The following COL4A5 variants were observed in gnomAD, a reference collection of about 807,000 sequenced individuals.
The protein encoded by COL4A5 is collagen type IV alpha 5 chain, also known as collagen alpha-5(IV) chain.
COL4A5 carries 26 observed loss-of-function variants against 130.2 expected under a neutral mutation model. The observed-to-expected ratio is 0.20, with a 90% confidence interval of 0.15 to 0.28. The LOEUF (loss-of-function observed/expected upper bound fraction) is 0.28, where lower values mean the gene tolerates loss of function less well. Among genes scored for constraint, COL4A5 ranks in the 10% least tolerant of loss-of-function variants. The pLI is 1.00. For synonymous variants in COL4A5, 496 were observed against 439.6 expected (o/e 1.13, Z -1.60); for missense variants, 1,131 against 1,344.3 (o/e 0.84, Z 2.48).
In COL4A5 at chrX:108,590,217, A is replaced by C. The variant is rs184523996; in HGVS notation, c.1166-841A>C. On this transcript the variant is annotated intron_variant, in intron 19 of 52. Transcript: ENST00000328300. ...AAAAAATCCATTGACAAATTCCCAG[A>C]ACTTAAAGAGAATATGTGTGCAAGA... Among the ~76,000 whole-genome samples, 18 of 111,443 alleles carry C rather than the reference A, an allele frequency of 1.6e-4. No homozygotes were observed. In the East Asian group the frequency reaches 5.0e-3, roughly 31 times the overall value.
chrX:108,624,969 G>T (rs73528353), intron 34 of COL4A5, among the ~76,000 whole-genome samples: 11,690 of 111,236 alleles, frequency 0.11, 1,304 homozygotes, highest in African/African-American at 0.34. Context: ...AGTTATTTGC[G>T]CTAGACTCCA....
At chrX:108,647,672 G>C (rs2067628779) in intron 36 of COL4A5, among the ~76,000 whole-genome samples, 1 of 111,623 alleles carries the variant, frequency 9.0e-6, no homozygotes, top group South Asian at 3.8e-4. Flanking sequence ...TTTTCAAAGG[G>C]AATGCTTCCA....
intron 1 of COL4A5, among the ~76,000 whole-genome samples, chrX:108,505,731 G>A (rs1293221527): frequency 8.9e-6 from 1 of 111,975 alleles, no homozygotes. Context: ...AAGAGTGAAA[G>A]AAATAATTTT....
intron 1 of COL4A5, among the ~76,000 whole-genome samples, chrX:108,495,317 A>G (rs1230624696): frequency 1.8e-5 from 2 of 111,806 alleles, no homozygotes; most frequent in African/African-American, 6.5e-5. Context: ...TCTTAGACGT[A>G]ATACCAAAAG....
intron 28 of COL4A5, 83 bp from the exon 29 acceptor site, chrX:108,606,659 C>T (rs543510464): frequency 1.5e-5 from 15 of 1,032,232 alleles, no homozygotes; most frequent in East Asian, 3.0e-5. Context: ...CTTGTATTTT[C>T]GGCATTAAAT....
At chrX:108,521,512 C>T (rs189593803) in intron 1 of COL4A5, among the ~76,000 whole-genome samples, 1 of 111,183 alleles carries the variant, frequency 9.0e-6, no homozygotes, top group Non-Finnish European at 1.9e-5. Flanking sequence ...TATATGGATT[C>T]CCTAAACACC....
Position 108,578,355 on chromosome X carries a change from T to C in COL4A5, c.752T>C (p.Ile251Thr), listed in dbSNP as rs1370346161. The C allele has an allele frequency of 4.1e-6, 5 of 1,207,118 alleles. No homozygotes were observed. Among genetic ancestry groups the C allele is most frequent in the African/African-American group, 3.5e-5 (2 of 57,154 alleles). The change falls in exon 13 of 53, where the codon ATT (isoleucine) becomes ACT (threonine). Residue 251 changes from isoleucine (I) to threonine (T), a missense_variant. Transcript: ENST00000328300. ...PGQISEQKRP[I>T]DVEFQKGDQG... ...CAGATCAGTGAACAGAAAAGACCAA[T>C]TGATGTAGAGTTTCAGAAAGGAGAT... is the stretch of plus-strand genomic sequence containing the variant.
chrX:108,556,181 C>T (rs2065820839), intron 2 of COL4A5, among the ~76,000 whole-genome samples: 1 of 111,419 alleles, frequency 9.0e-6, no homozygotes, highest in African/African-American at 3.3e-5. Flanking sequence ...AAAATTTTTC[C>T]TTGTCCTGAT....
chrX:108,533,079 A>G (rs111942058), intron 1 of COL4A5, among the ~76,000 whole-genome samples: 2 of 111,557 alleles, frequency 1.8e-5, no homozygotes, highest in Non-Finnish European at 3.8e-5. Flanking sequence ...TGAATAGCCA[A>G]TGCAACCCTG....
At chrX:108,625,092 TA>T (rs770564058) in intron 34 of COL4A5, among the ~76,000 whole-genome samples, 331 of 111,551 alleles carry the variant, frequency 3.0e-3, no homozygotes, top group African/African-American at 0.01. Flanking sequence ...AAAAATAAAA[TA>T]AAAAAAGTTT....
chrX:108,524,500 T>A (rs759483346), intron 1 of COL4A5, among the ~76,000 whole-genome samples: 77 of 111,585 alleles, frequency 6.9e-4, no homozygotes, highest in African/African-American at 2.4e-3. Flanking sequence ...TTCATTTCAT[T>A]AATTTCAGCT....
At chrX:108,619,570 G>A (rs746423917) in intron 30 of COL4A5, among the ~76,000 whole-genome samples, 1 of 111,550 alleles carries the variant, frequency 9.0e-6, no homozygotes, top group Admixed American at 9.6e-5. Flanking sequence ...TTTTTGCTGT[G>A]TCATTTTTTT....
intron 51 of COL4A5, 58 bp downstream of exon 51, chrX:108,694,979 T>G: frequency 2.2e-6 from 2 of 912,936 alleles, no homozygotes; most frequent in Middle Eastern, 2.9e-4. Context: ...TCCATCTACA[T>G]TTCTTCCCAA....
At chrX:108,478,399 G>A (rs1174178706) in intron 1 of COL4A5, among the ~76,000 whole-genome samples, 1 of 111,473 alleles carries the variant, frequency 9.0e-6, no homozygotes, top group Non-Finnish European at 1.9e-5. Context: ...TGGATCACTA[G>A]GGGTGATGGT....
At chrX:108,544,250 A>G (rs757239738) in intron 2 of COL4A5, among the ~76,000 whole-genome samples, 1 of 111,941 alleles carries the variant, frequency 8.9e-6, no homozygotes, top group South Asian at 3.7e-4. Context: ...TGGGTTTGTC[A>G]TAGATAGCTC....
Position 108,665,497 on chromosome X carries a change from T to C in COL4A5, c.3374-10T>C. On this transcript the variant is annotated splice_polypyrimidine_tract_variant and intron_variant, in intron 37 of 52. Transcript: ENST00000328300. ...TTTCTTTCATTTTTAAATTGAGCTCTTTACTCTAGGAACCCCAGGCCCTCC... is the reference window on the plus strand; with the variant it reads ...TTTCTTTCATTTTTAAATTGAGCTCCTTACTCTAGGAACCCCAGGCCCTCC... 1 of 1,188,606 alleles carries C rather than the reference T, an allele frequency of 8.4e-7. No individual in the cohort carries two copies. Among genetic ancestry groups the C allele is most frequent in the Non-Finnish European group, 1.1e-6 (1 of 875,218 alleles).
rs142133913 is a variant in COL4A5, at chrX:108,650,180, C to T, written c.3247-5151C>T. Among the ~76,000 whole-genome samples, 369 of 111,742 alleles carry T rather than the reference C, an allele frequency of 3.3e-3. 2 individuals are homozygous for T. Among genetic ancestry groups the T allele is most frequent in the South Asian group, 7.8e-3 (21 of 2,682 alleles). ...AAAACATATGAAAAAAAATGCTCAA[C>T]ATCACTAATGATCAGGGAACTGCAA... On this transcript the variant is annotated intron_variant, in intron 36 of 52. Transcript: ENST00000328300.
intron 2 of COL4A5, among the ~76,000 whole-genome samples, chrX:108,540,494 A>G (rs1482382862): frequency 9.0e-6 from 1 of 111,319 alleles, no homozygotes; most frequent in Non-Finnish European, 1.9e-5. Context: ...TCTGTCACCC[A>G]GGCTGGAGTG....
chrX:108,677,983 T>G (rs757496957), intron 44 of COL4A5, among the ~76,000 whole-genome samples: 4 of 111,974 alleles, frequency 3.6e-5, no homozygotes, highest in Non-Finnish European at 7.5e-5. Flanking sequence ...TTATGGTGAA[T>G]AGAGGCATCT....
Sources: allele counts gnomAD v4.1 joint callset (sites outside exome capture counted in the v4.1 genomes callset), GRCh38; gene constraint gnomAD v4.1.1; transcripts MANE v1.5; gene names NCBI Gene and HGNC (gene_info 2026-07-23, HGNC 2026-07-21).